The following ZFAND3 variants were observed in gnomAD, a reference collection of about 807,000 sequenced individuals.
The protein encoded by ZFAND3 is zinc finger AN1-type containing 3, also known as AN1-type zinc finger protein 3.
ZFAND3 carries 10 observed loss-of-function variants against 29.6 expected under a neutral mutation model. The ratio of observed to expected loss-of-function variants is 0.34; its 90% CI spans 0.21 to 0.57. The LOEUF is 0.57. ZFAND3 is among the 20% of genes least tolerant of loss of function. The pLI is 0.86. For synonymous variants in ZFAND3, 128 were observed against 112.6 expected (o/e 1.14, Z -0.87); for missense variants, 230 against 304.5 (o/e 0.76, Z 1.82).
At chr6:38,066,051 G>A (rs73419944) in intron 3 of ZFAND3, among the ~76,000 whole-genome samples, 3 of 152,254 alleles carry the variant, frequency 2.0e-5, no homozygotes, top group African/African-American at 4.8e-5. Flanking sequence ...GGGGTGGAAG[G>A]GGGGAAGTAG....
intron 1 of ZFAND3, among the ~76,000 whole-genome samples, chr6:37,867,608 A>G (rs769189107): frequency 1.2e-4 from 18 of 152,176 alleles, no homozygotes; most frequent in Non-Finnish European, 2.2e-4. Flanking sequence ...CATTAGTGGT[A>G]CTTGTCCAAT....
intron 5 of ZFAND3, among the ~76,000 whole-genome samples, chr6:38,151,052 G>A (rs1275283466): frequency 1.3e-5 from 2 of 152,160 alleles, no homozygotes; most frequent in African/African-American, 2.4e-5. Flanking sequence ...TGAAAGAGGC[G>A]GCCAGCAGAC....
At chr6:38,054,413 A>AC (rs1156275747) in intron 2 of ZFAND3, among the ~76,000 whole-genome samples, 1 of 150,836 alleles carries the variant, frequency 6.6e-6, no homozygotes, top group African/African-American at 2.4e-5. Context: ...AAAAAAAAAA[A>AC]ACAAGGAAGC....
chr6:37,820,042 G>C, intron 1 of ZFAND3, 26 bp downstream of exon 1: 1 of 1,157,782 alleles, frequency 8.6e-7, no homozygotes, highest in Non-Finnish European at 1.0e-6. Context: ...GGTGGGGGCG[G>C]GGGGCGGGGG....
At chr6:38,117,143 A>G (rs929096384) in intron 5 of ZFAND3, among the ~76,000 whole-genome samples, 6 of 151,666 alleles carry the variant, frequency 4.0e-5, no homozygotes, top group East Asian at 1.9e-4. Flanking sequence ...GCTTCTTACT[A>G]TTTATGATAA....
Position 38,152,441 on chromosome 6 carries a change from C to A in ZFAND3, c.*52C>A. The A allele has an allele frequency of 6.7e-7, 1 of 1,488,558 alleles. No homozygotes were observed. The allele number at this position is 1,488,558 out of a possible 1,614,324, so 92.2% of individuals were successfully genotyped here. On this transcript the variant is annotated 3_prime_UTR_variant, in exon 6 of 6. Transcript: ENST00000287218. ...CTGTTCTTAGTTCACTAATGTTAGC[C>A]TTATTTAGGACAAAGTCAGCCAGAC...
At chr6:38,062,844 A>C (rs1050951601) in intron 3 of ZFAND3, among the ~76,000 whole-genome samples, 1 of 152,004 alleles carries the variant, frequency 6.6e-6, no homozygotes, top group South Asian at 2.1e-4. Flanking sequence ...TAAAAGCTCT[A>C]CTTGGCCAAG....
chr6:38,003,676 T>TG (rs1263691479), intron 2 of ZFAND3: 1 of 332,368 alleles, frequency 3.0e-6, no homozygotes, highest in Non-Finnish European at 6.0e-6. Flanking sequence ...TTTTTGTGTT[T>TG]TTTTTTTTTT....
At chr6:38,117,702 C>T (rs766805983) in intron 5 of ZFAND3, among the ~76,000 whole-genome samples, 2 of 152,210 alleles carry the variant, frequency 1.3e-5, no homozygotes, top group Non-Finnish European at 2.9e-5. Flanking sequence ...AGCCCCCTTT[C>T]ACTTCTGGGA....
intron 1 of ZFAND3, among the ~76,000 whole-genome samples, chr6:37,927,999 G>A (rs1343239436): frequency 6.6e-6 from 1 of 152,140 alleles, no homozygotes; most frequent in African/African-American, 2.4e-5. Flanking sequence ...CACATTATAG[G>A]CATGTAATAA....
At chr6:38,042,459 G>A (rs1299002413) in intron 2 of ZFAND3, among the ~76,000 whole-genome samples, 4 of 151,716 alleles carry the variant, frequency 2.6e-5, no homozygotes, top group East Asian at 1.9e-4. Flanking sequence ...GATTATAGGC[G>A]CCCACCACCA....
intron 2 of ZFAND3, among the ~76,000 whole-genome samples, chr6:38,038,850 G>A (rs917642447): frequency 7.9e-5 from 12 of 152,114 alleles, no homozygotes; most frequent in African/African-American, 2.7e-4. Context: ...TCATATAAGC[G>A]GCTTGGGGCA....
intron 1 of ZFAND3, among the ~76,000 whole-genome samples, chr6:37,894,315 A>C (rs1451635768): frequency 6.6e-6 from 1 of 151,918 alleles, no homozygotes; most frequent in Non-Finnish European, 1.5e-5. Context: ...ACTTGTGCTC[A>C]TTTCTTTGTG....
In ZFAND3 at chr6:37,894,532, T is replaced by G. The variant is rs80230819; in HGVS notation, c.72-35427T>G. Among the ~76,000 whole-genome samples the G allele has an allele frequency of 0.017, 2,585 of 152,064 alleles. 251 individuals are homozygous for G. The East Asian group carries it at 0.28, about 16-fold the overall frequency. Reference sequence around the variant, plus strand: ...CTTAACCGGTGTGTGCCTTACTAATTTTTTTATGTTTAAATTTTTTGTAGA... The same window carrying G: ...CTTAACCGGTGTGTGCCTTACTAATGTTTTTATGTTTAAATTTTTTGTAGA... On this transcript the variant is annotated intron_variant, in intron 1 of 5. Transcript: ENST00000287218.
At chr6:38,008,167 CA>C (rs1344056134) in intron 2 of ZFAND3, among the ~76,000 whole-genome samples, 1 of 152,018 alleles carries the variant, frequency 6.6e-6, no homozygotes, top group Admixed American at 6.6e-5. Flanking sequence ...ACAAGTGTTC[CA>C]AAACCAGGAT....
At chr6:37,928,812 C>T (rs552240346) in intron 1 of ZFAND3, among the ~76,000 whole-genome samples, 2 of 152,334 alleles carry the variant, frequency 1.3e-5, no homozygotes, top group Admixed American at 6.5e-5. Flanking sequence ...GCCACCGTGC[C>T]TGGCCAGAAA....
At chr6:37,942,572 C>T (rs994284712) in intron 2 of ZFAND3, among the ~76,000 whole-genome samples, 6 of 152,072 alleles carry the variant, frequency 3.9e-5, no homozygotes, top group African/African-American at 1.4e-4. Context: ...TGGTGACACT[C>T]CTTCCCCCAG....
chr6:38,046,069 G>A (rs1763897644), intron 2 of ZFAND3, among the ~76,000 whole-genome samples: 1 of 152,170 alleles, frequency 6.6e-6, no homozygotes, highest in Non-Finnish European at 1.5e-5. Flanking sequence ...TGAAAAATAA[G>A]TACCGGTGAT....
chr6:38,117,257 T>A (rs896668959), intron 5 of ZFAND3, among the ~76,000 whole-genome samples: 11 of 34,878 alleles, frequency 3.2e-4, no homozygotes, highest in African/African-American at 1.3e-3. Context: ...TGAAATAGCC[T>A]TTTTTTTTTT....
Sources: allele counts gnomAD v4.1 joint callset (sites outside exome capture counted in the v4.1 genomes callset), GRCh38; gene constraint gnomAD v4.1.1; transcripts MANE v1.5; gene names NCBI Gene and HGNC (gene_info 2026-07-23, HGNC 2026-07-21).